The following CDK14 variants were observed in gnomAD, a reference collection of about 807,000 sequenced individuals.
CDK14 encodes cyclin-dependent kinase 14.
In CDK14, 34 loss-of-function variants were observed where a neutral mutation model predicts 60.7. That is an observed-to-expected ratio of 0.56 (90% CI 0.43 to 0.75). The LOEUF (loss-of-function observed/expected upper bound fraction) is 0.75, where lower values mean the gene tolerates loss of function less well. CDK14 is among the 30% of genes least tolerant of loss of function. The pLI is 0.00. For synonymous variants in CDK14, 197 were observed against 203.7 expected, an observed-to-expected ratio of 0.97 and a Z score of 0.28; for missense variants, 482 against 564.1, an observed-to-expected ratio of 0.85 and a Z score of 1.47.
chr7:90,614,442 G>GCT (rs10639151), intron 2 of CDK14, among the ~76,000 whole-genome samples: 98,182 of 151,866 alleles, frequency 0.65, 31,862 homozygotes, highest in Middle Eastern at 0.75. Context: ...TCTTAAAGGA[G>GCT]CTTTCATCAT....
chr7:91,015,074 T>C (rs1014549896), intron 10 of CDK14, among the ~76,000 whole-genome samples: 1 of 152,220 alleles, frequency 6.6e-6, no homozygotes, highest in African/African-American at 2.4e-5. Context: ...GTGTAATGTG[T>C]CATTTGACTT....
In CDK14 at chr7:91,010,106, A is replaced by T. The variant is rs1002494156; in HGVS notation, c.1041+25865A>T. On this transcript the variant is annotated intron_variant, in intron 10 of 14. Transcript: ENST00000380050. ...TTGAAAGTCAGTTGGCCATGTGTGT[A>T]TAAGTATTCATAGACTGTTTCATCT... Among the ~76,000 whole-genome samples the T allele has an allele frequency of 5.9e-5, 9 of 152,250 alleles. No individual in the cohort carries two copies. The East Asian group carries it at 1.5e-3, about 26-fold the overall frequency.
At chr7:90,962,942 A>G (rs752298419) in intron 9 of CDK14, among the ~76,000 whole-genome samples, 3 of 152,192 alleles carry the variant, frequency 2.0e-5, no homozygotes, top group Non-Finnish European at 4.4e-5. Context: ...CAAGCTAAAT[A>G]TACTGCATTT....
intron 5 of CDK14, among the ~76,000 whole-genome samples, chr7:90,825,928 C>T (rs1302129405): frequency 6.6e-6 from 1 of 152,152 alleles, no homozygotes; most frequent in Non-Finnish European, 1.5e-5. Flanking sequence ...AAATTTCTAG[C>T]AGTTTTAGTT....
At chr7:90,598,413 TA>T (rs1284748503) in intron 1 of CDK14, among the ~76,000 whole-genome samples, 7 of 152,210 alleles carry the variant, frequency 4.6e-5, no homozygotes. Context: ...CAACTCTTGT[TA>T]AAATGTCTTC....
intron 14 of CDK14, among the ~76,000 whole-genome samples, chr7:91,197,795 C>T (rs1802592956): frequency 6.6e-6 from 1 of 152,202 alleles, no homozygotes; most frequent in Non-Finnish European, 1.5e-5. Context: ...ATCTTGGATT[C>T]TATAGAAATA....
chr7:90,596,444 G>C lies in CDK14; in HGVS notation c.-184G>C, dbSNP rs924390323. 2.0e-6 allele frequency: 1 copy of C among 488,424 alleles called. No individual in the cohort carries two copies. Among genetic ancestry groups the C allele is most frequent in the Admixed American group, 3.9e-5 (1 of 25,566 alleles). The allele number at this position is 488,424 out of a possible 1,614,324, so 30.3% of individuals were successfully genotyped here. A position where few individuals can be genotyped will look rare whatever the true frequency, so the allele number is the denominator to read the frequency against. On this transcript the variant is annotated 5_prime_UTR_variant, in exon 1 of 15. Coordinates refer to ENST00000380050, the MANE Select transcript of CDK14 (RefSeq NM_001287135.2). ...GCCCGCCCAGCTGCGGCCCAGGCCGGAGCGGAGCCTGCCGTCCTCCGCCTG... is the reference window on the plus strand; with the variant it reads ...GCCCGCCCAGCTGCGGCCCAGGCCGCAGCGGAGCCTGCCGTCCTCCGCCTG...
chr7:90,674,801 C>T (rs1474923803), intron 2 of CDK14, among the ~76,000 whole-genome samples: 1 of 152,190 alleles, frequency 6.6e-6, no homozygotes, highest in Non-Finnish European at 1.5e-5. Flanking sequence ...CAGGCCAGGA[C>T]ACCACCTCAG....
intron 2 of CDK14, chr7:90,632,419 G>T: frequency 4.0e-6 from 1 of 249,822 alleles, no homozygotes; most frequent in South Asian, 5.7e-5. Flanking sequence ...GTGATTGGCA[G>T]TGGTTATCAT....
chr7:90,705,593 G>C (rs930342976), intron 2 of CDK14, among the ~76,000 whole-genome samples: 2 of 150,560 alleles, frequency 1.3e-5, no homozygotes, highest in African/African-American at 4.9e-5. Flanking sequence ...TCATGGTTCT[G>C]CTTTGAACCC....
chr7:90,670,747 G>A (rs1020567628), intron 2 of CDK14, among the ~76,000 whole-genome samples: 1 of 151,970 alleles, frequency 6.6e-6, no homozygotes, highest in African/African-American at 2.4e-5. Flanking sequence ...AATCCACCCC[G>A]CGACCCAAAG....
chr7:90,996,517 C>T (rs1474094669), intron 10 of CDK14, among the ~76,000 whole-genome samples: 3 of 152,158 alleles, frequency 2.0e-5, no homozygotes, highest in Non-Finnish European at 4.4e-5. Context: ...ATAATCTACC[C>T]AAGTCATTGA....
chr7:90,777,532 C>T (rs1313177493), intron 4 of CDK14, among the ~76,000 whole-genome samples: 4 of 152,162 alleles, frequency 2.6e-5, no homozygotes, highest in African/African-American at 4.8e-5. Context: ...TAGGACTTTA[C>T]CCCACACCAG....
chr7:90,619,731 C>T (rs930884751), intron 2 of CDK14, among the ~76,000 whole-genome samples: 1 of 152,154 alleles, frequency 6.6e-6, no homozygotes, highest in Non-Finnish European at 1.5e-5. Flanking sequence ...TGCGGTGGCT[C>T]ACACCTGTAA....
chr7:91,079,127 G>A (rs1684736400), intron 11 of CDK14, among the ~76,000 whole-genome samples: 1 of 152,178 alleles, frequency 6.6e-6, no homozygotes, highest in Admixed American at 6.5e-5. Context: ...CAGGTTGGAG[G>A]TTTGGAATTT....
chr7:90,601,926 G>T (rs1264318292), intron 1 of CDK14, among the ~76,000 whole-genome samples: 1 of 59,712 alleles, frequency 1.7e-5, no homozygotes, highest in Non-Finnish European at 3.0e-5. Context: ...CTAATTTTAT[G>T]TATGTATGTA....
chr7:90,809,303 C>G (rs560886467), intron 5 of CDK14, among the ~76,000 whole-genome samples: 1 of 152,274 alleles, frequency 6.6e-6, no homozygotes, highest in African/African-American at 2.4e-5. Flanking sequence ...AACTAGAACT[C>G]AGGATTCAGA....
intron 6 of CDK14, among the ~76,000 whole-genome samples, chr7:90,896,083 T>C (rs1401802380): frequency 1.3e-5 from 2 of 152,048 alleles, no homozygotes; most frequent in African/African-American, 4.8e-5. Context: ...TTTTTTCTTG[T>C]CTCTTTTGTT....
intron 14 of CDK14, among the ~76,000 whole-genome samples, chr7:91,126,876 CTG>C (rs1284455197): frequency 3.3e-5 from 5 of 151,798 alleles, no homozygotes; most frequent in African/African-American, 1.2e-4. Flanking sequence ...TTGGGAGTGA[CTG>C]TGAAGATCAT....
Sources: gnomAD v4.1 joint callset for allele counts (sites outside exome capture counted in the v4.1 genomes callset) on GRCh38, gnomAD v4.1.1 for gene constraint, MANE v1.5 for transcripts, NCBI Gene and HGNC (gene_info 2026-07-23, HGNC 2026-07-21) for gene names.